Variants in NLGN1 observed in about 807,000 individuals in gnomAD.
NLGN1 encodes neuroligin-1.
In NLGN1, 12 loss-of-function variants were observed where a neutral mutation model predicts 65.5. The ratio of observed to expected loss-of-function variants is 0.18; its 90% CI spans 0.12 to 0.30. NLGN1 has a LOEUF of 0.30. Ranked by LOEUF, NLGN1 falls within the 10% of genes least tolerant of loss-of-function variation. The pLI is 1.00. For synonymous variants in NLGN1, 350 were observed against 359.5 expected (o/e 0.97, Z 0.30); for missense variants, 750 against 1,007.1 (o/e 0.74, Z 3.46).
At position 174,212,560 on chromosome 3, in the gene NLGN1, T is replaced by C. The variant is rs116615629; in HGVS notation, c.647-62755T>C. 7.5e-3 allele frequency among the ~76,000 whole-genome samples: 1,148 copies of C among 152,354 alleles called. 11 individuals carry two copies. Among genetic ancestry groups the C allele is most frequent in the African/African-American group, 0.023 (962 of 41,596 alleles). The stretch of plus-strand genomic sequence containing the variant: ...CACTAGGCTGTATCATTTAGGTTTG[T>C]GTAAGTGTATCCCATGATGTTTGCA... On this transcript the variant is annotated intron_variant, in intron 4 of 6. Coordinates refer to ENST00000457714, the Ensembl canonical transcript of NLGN1.
intron 4 of NLGN1, among the ~76,000 whole-genome samples, chr3:173,842,822 T>A (rs1377198351): frequency 6.6e-6 from 1 of 152,144 alleles, no homozygotes; most frequent in African/African-American, 2.4e-5. Flanking sequence ...GTGGATCTAC[T>A]ATTCTGGAGT....
In NLGN1 at chr3:173,774,465, G is replaced by T. The variant is rs2150283816; in HGVS notation, c.494-33215G>T. Among the ~76,000 whole-genome samples, 2 of 152,242 alleles carry T rather than the reference G, an allele frequency of 1.3e-5. 1 individual carries two copies. The highest frequency in any genetic ancestry group is 4.1e-4 in the South Asian group (2 of 4,826). ...ATTCAATGTCTTTTTGAGAGACAGTGACTCCTGTTATTGGTCTGGCCAAGA... is the reference window on the plus strand; with the variant it reads ...ATTCAATGTCTTTTTGAGAGACAGTTACTCCTGTTATTGGTCTGGCCAAGA... On this transcript the variant is annotated intron_variant, in intron 3 of 6. Transcript: ENST00000457714.
At chr3:174,293,392 C>A in the NLGN1 span, among the ~76,000 whole-genome samples, 1 of 151,322 alleles carries the variant, frequency 6.6e-6, no homozygotes, top group African/African-American at 2.4e-5. Flanking sequence ...TAATACACGA[C>A]AATGTTGCAG....
chr3:174,277,313 C>CCAT (rs1413699042), intron 5 of NLGN1, among the ~76,000 whole-genome samples: 1 of 151,856 alleles, frequency 6.6e-6, no homozygotes, highest in Non-Finnish European at 1.5e-5. Flanking sequence ...TGAGTCAACC[C>CCAT]CATCTTGCAT....
intron 2 of NLGN1, among the ~76,000 whole-genome samples, chr3:173,482,075 A>C (rs1161737669): frequency 1.3e-5 from 2 of 151,914 alleles, no homozygotes; most frequent in Non-Finnish European, 2.9e-5. Context: ...CTACATTGAC[A>C]TTGATCATTC....
chr3:173,485,054 G>A (rs1727938786), intron 2 of NLGN1, among the ~76,000 whole-genome samples: 1 of 147,980 alleles, frequency 6.8e-6, no homozygotes, highest in Non-Finnish European at 1.5e-5. Flanking sequence ...GCTTGGGGAG[G>A]CCTCACAATC....
intron 2 of NLGN1, among the ~76,000 whole-genome samples, chr3:173,594,419 C>A (rs1484991522): frequency 1.3e-5 from 2 of 152,184 alleles, no homozygotes; most frequent in Non-Finnish European, 1.5e-5. Context: ...GGTCTCACAT[C>A]CAGGTCACAC....
chr3:173,878,435 AT>A (rs751184058), intron 4 of NLGN1, among the ~76,000 whole-genome samples: 39 of 152,096 alleles, frequency 2.6e-4, no homozygotes, highest in Non-Finnish European at 5.1e-4. Context: ...GTTCTGCATT[AT>A]TTTTAATATG....
intron 4 of NLGN1, among the ~76,000 whole-genome samples, chr3:174,173,868 T>G (rs185393457): frequency 6.6e-6 from 1 of 152,174 alleles, no homozygotes; most frequent in Non-Finnish European, 1.5e-5. Context: ...CAGGTGGTGT[T>G]TGGTTACATG....
intron 4 of NLGN1, among the ~76,000 whole-genome samples, chr3:174,174,300 T>A (rs1729060415): frequency 6.6e-6 from 1 of 152,096 alleles, no homozygotes; most frequent in African/African-American, 2.4e-5. Flanking sequence ...TTCAAGTATC[T>A]TTTTATATAA....
intron 4 of NLGN1, among the ~76,000 whole-genome samples, chr3:174,215,349 A>T (rs1737399124): frequency 6.6e-6 from 1 of 152,212 alleles, no homozygotes; most frequent in Non-Finnish European, 1.5e-5. Flanking sequence ...ACAGAGTGCC[A>T]CTTGCTGTCT....
At chr3:174,140,586 A>G (rs1210015813) in intron 4 of NLGN1, among the ~76,000 whole-genome samples, 1 of 152,164 alleles carries the variant, frequency 6.6e-6, no homozygotes, top group Admixed American at 6.6e-5. Flanking sequence ...ACATGAGTGG[A>G]AGAGTAGTGT....
At chr3:173,993,333 T>C (rs754286245) in intron 4 of NLGN1, among the ~76,000 whole-genome samples, 18 of 152,196 alleles carry the variant, frequency 1.2e-4, no homozygotes, top group Non-Finnish European at 2.6e-4. Flanking sequence ...ATTTGCAGTT[T>C]GTAAAAGACA....
intron 4 of NLGN1, among the ~76,000 whole-genome samples, chr3:173,916,108 T>G (rs1413579801): frequency 6.6e-6 from 1 of 152,182 alleles, no homozygotes; most frequent in Non-Finnish European, 1.5e-5. Flanking sequence ...ATATCTTAGG[T>G]TTCTTGTGAG....
intron 3 of NLGN1, among the ~76,000 whole-genome samples, chr3:173,690,185 G>A (rs766300976): frequency 3.3e-5 from 5 of 152,142 alleles, no homozygotes; most frequent in Admixed American, 2.0e-4. Context: ...TGGTCTTGGC[G>A]TGGATTCAGG....
intron 4 of NLGN1, among the ~76,000 whole-genome samples, chr3:173,821,767 A>G (rs1420178229): frequency 6.6e-6 from 1 of 152,138 alleles, no homozygotes; most frequent in Non-Finnish European, 1.5e-5. Context: ...TATGAGAAAA[A>G]TCTACATAGT....
intron 3 of NLGN1, among the ~76,000 whole-genome samples, chr3:173,795,731 A>T (rs1044195227): frequency 6.6e-6 from 1 of 152,070 alleles, no homozygotes; most frequent in Admixed American, 6.6e-5. Context: ...GAATACACAT[A>T]TTTTTTCATA....
chr3:173,720,861 A>T (rs1770721706), intron 3 of NLGN1, among the ~76,000 whole-genome samples: 1 of 152,194 alleles, frequency 6.6e-6, no homozygotes, highest in Admixed American at 6.6e-5. Flanking sequence ...ATTTTTAAGG[A>T]TAAACTTATT....
chr3:174,282,644 G>T (rs1022811560), exon 7 of NLGN1: 1 of 151,946 alleles, frequency 6.6e-6, no homozygotes, highest in African/African-American at 2.4e-5. Context: ...TCATCCCCCT[G>T]TTGTTTACCA....
Sources: allele counts gnomAD v4.1 joint callset (sites outside exome capture counted in the v4.1 genomes callset), GRCh38; gene constraint gnomAD v4.1.1; transcripts MANE v1.5; gene names NCBI Gene and HGNC (gene_info 2026-07-23, HGNC 2026-07-21).